The following GPSM1 variants were observed in gnomAD, a reference collection of about 807,000 sequenced individuals.
GPSM1 encodes the protein G protein-signaling modulator 1.
A neutral mutation model predicts 70.5 loss-of-function variants in GPSM1; 48 were observed. That is an observed-to-expected ratio of 0.68 (90% CI 0.54 to 0.87). The LOEUF (loss-of-function observed/expected upper bound fraction) is 0.87, where lower values mean the gene tolerates loss of function less well. GPSM1 is among the 40% of genes least tolerant of loss of function. The pLI is 0.00. For synonymous variants in GPSM1, 416 were observed against 430.1 expected, an observed-to-expected ratio of 0.97 and a Z score of 0.41; for missense variants, 981 against 972.6, an observed-to-expected ratio of 1.01 and a Z score of -0.11.
rs924471732 is a variant in GPSM1, at chr9:136,339,830, C to T, written c.1083+15C>T. 1 of 1,466,938 alleles carries T rather than the reference C, an allele frequency of 6.8e-7. No individual in the cohort carries two copies. The highest frequency in any genetic ancestry group is 1.6e-5 in the African/African-American group (1 of 63,754). The allele number at this position is 1,466,938 out of a possible 1,614,324, so 90.9% of individuals were successfully genotyped here. On this transcript the variant is annotated intron_variant, in intron 8 of 13. Transcript: ENST00000440944. ...TCTCCCAGGAGGTGAGCCAGGCCTG[C>T]CCCCAGAAGTCCCGGGCACTGCCCA... is the stretch of plus-strand genomic sequence containing the variant.
intron 1 of GPSM1, among the ~76,000 whole-genome samples, chr9:136,328,210 T>G (rs1832023296): frequency 6.6e-6 from 1 of 152,214 alleles, no homozygotes. Flanking sequence ...GCCAGCCAGG[T>G]GGGTGTGTAC....
chr9:136,328,175 T>G (rs1300987437), intron 1 of GPSM1, among the ~76,000 whole-genome samples: 1 of 152,168 alleles, frequency 6.6e-6, no homozygotes, highest in Non-Finnish European at 1.5e-5. Context: ...ACGAGCCCAG[T>G]GGGATCCAGC....
At position 136,352,233 on chromosome 9, in the gene GPSM1, C is replaced by T; in HGVS notation, c.1455+2470C>T. 2.9e-5 allele frequency among the ~76,000 whole-genome samples: 2 copies of T among 67,882 alleles called. 1 individual carries two copies. Among genetic ancestry groups the T allele is most frequent in the South Asian group, 1.4e-3 (2 of 1,386 alleles). 44.5% of individuals were successfully genotyped at this position (67,882 alleles called of 152,430 possible). ...GTTGCTGTTGGTGACACCGATGCTGCGCCGTTGCTGTTGGTGACACCGATG... is the reference window on the plus strand; with the variant it reads ...GTTGCTGTTGGTGACACCGATGCTGTGCCGTTGCTGTTGGTGACACCGATG... On this transcript the variant is annotated intron_variant, in intron 11 of 13. Transcript: ENST00000440944.
At chr9:136,355,653 G>T (rs202118035) in intron 11 of GPSM1, 37 bp from the exon 12 acceptor site, 183 of 1,601,460 alleles carry the variant, frequency 1.1e-4, no homozygotes, top group Admixed American at 3.4e-5. Context: ...GGTCTGCGGG[G>T]CTAGCTTTGG....
At position 136,359,370 on chromosome 9, in the gene GPSM1, G is replaced by A. The variant is rs775676778; in HGVS notation, c.*1150G>A. On this transcript the variant is annotated 3_prime_UTR_variant, in exon 14 of 14. Transcript: ENST00000440944. ...CCCCACTCTCAGGCTAGGATGGAGA[G>A]GCAGATCTGGGCCTGGTGAGGTGAC... 6.6e-6 allele frequency: 1 copy of A among 152,218 alleles called. No homozygotes were observed. Among genetic ancestry groups the A allele is most frequent in the African/African-American group, 2.4e-5 (1 of 41,430 alleles). 9.4% of individuals were successfully genotyped at this position (152,218 alleles called of 1,614,324 possible). A position where few individuals can be genotyped will look rare whatever the true frequency, so the allele number is the denominator to read the frequency against.
chr9:136,339,888 C>T, intron 8 of GPSM1, 73 bp downstream of exon 8: 1 of 955,724 alleles, frequency 1.0e-6, no homozygotes. Context: ...CCCCTCTGCC[C>T]CGAGCGAGCG....
chr9:136,348,632 G>T, intron 9 of GPSM1, 65 bp from the exon 10 acceptor site: 1 of 1,280,338 alleles, frequency 7.8e-7, no homozygotes, highest in Non-Finnish European at 1.1e-6. Flanking sequence ...CAGAGACTCT[G>T]GCCTGGCCCA....
chr9:136,334,681 G>A lies in GPSM1; in HGVS notation c.290+13G>A, dbSNP rs782162257. The A allele has an allele frequency of 6.9e-6, 11 of 1,599,416 alleles. No individual in the cohort carries two copies. Among genetic ancestry groups the A allele is most frequent in the African/African-American group, 2.7e-5 (2 of 73,776 alleles). On this transcript the variant is annotated intron_variant, in intron 2 of 13. Transcript: ENST00000440944. ...TCCTGCTGGCGCGGTGAGTGGGGAC[G>A]GTCCTGCTGGCGGGTGAGTGGGGCG...
At chr9:136,347,639 G>A (rs1832555167) in intron 9 of GPSM1, among the ~76,000 whole-genome samples, 3 of 152,174 alleles carry the variant, frequency 2.0e-5, no homozygotes, top group Non-Finnish European at 2.9e-5. Flanking sequence ...GGAAGCGCCC[G>A]CAGACCCTGG....
At chr9:136,331,682 G>T (rs62581062) in intron 1 of GPSM1, among the ~76,000 whole-genome samples, 4 of 152,106 alleles carry the variant, frequency 2.6e-5, no homozygotes, top group Non-Finnish European at 4.4e-5. Context: ...CGTTTGCAGA[G>T]GAGTTGGCGG....
chr9:136,335,183 C>T (rs568328132), intron 2 of GPSM1, among the ~76,000 whole-genome samples: 1 of 152,216 alleles, frequency 6.6e-6, no homozygotes, highest in South Asian at 2.1e-4. Context: ...GGCCCCAGGC[C>T]CCAGGCCCTG....
At chr9:136,338,445 A>C in intron 6 of GPSM1, 110 bp from the exon 7 acceptor site, 1 of 1,027,620 alleles carries the variant, frequency 9.7e-7, no homozygotes, top group South Asian at 1.6e-5. Context: ...GAGAGGCCCC[A>C]GTGGGATTCC....
In GPSM1 at chr9:136,337,061, C is replaced by T. The variant is rs782360853; in HGVS notation, c.567C>T (p.Ser189=). The T allele has an allele frequency of 1.5e-5, 24 of 1,550,866 alleles. No homozygotes were observed. The Admixed American group carries it at 1.8e-4, about 11-fold the overall frequency. The part of the protein sequence containing the change: ...PDVRETLCKA[S]EFYERNLSLV... ...TCCGAGAGACCCTGTGCAAGGCCTC[C>T]GAGTTCTACGAGTGAGTGGGGCAGG... Residue 189 remains serine (S), a synonymous_variant, in exon 4 of 14, where the codon TCC becomes TCT. Transcript: ENST00000440944.
chr9:136,357,946 G>A (rs546181168), intron 13 of GPSM1, 68 bp from the exon 14 acceptor site: 56 of 1,287,882 alleles, frequency 4.3e-5, no homozygotes, highest in African/African-American at 4.0e-4. Context: ...TGGAACCACC[G>A]CTGCTGACCA....
rs782001804 is a variant in GPSM1 at position 136,356,379 on chromosome 9, A to G, written c.1650A>G (p.Glu550=). 2 of 1,605,314 alleles carry G rather than the reference A, an allele frequency of 1.2e-6. No individual in the cohort carries two copies. The highest frequency in any genetic ancestry group is 1.7e-6 in the Non-Finnish European group (2 of 1,175,692). The change falls in exon 13 of 14, where the codon GAA becomes GAG. Residue 550 remains glutamate, a synonymous_variant. Transcript: ENST00000440944. ...TGACGGCCTCGCCCCAGACCGAGGAATTCTTCGACCTCATCGCCAGCTCCC... is the reference window on the plus strand; with the variant it reads ...TGACGGCCTCGCCCCAGACCGAGGAGTTCTTCGACCTCATCGCCAGCTCCC... ...PSMTASPQTE[E]FFDLIASSQS...
intron 2 of GPSM1, among the ~76,000 whole-genome samples, chr9:136,335,089 T>C (rs1445202761): frequency 5.9e-5 from 9 of 152,154 alleles, no homozygotes; most frequent in African/African-American, 1.7e-4. Flanking sequence ...GCCTGGGCTG[T>C]GACCCGCGTG....
At chr9:136,345,892 G>A (rs1190893667) in intron 9 of GPSM1, among the ~76,000 whole-genome samples, 6 of 152,204 alleles carry the variant, frequency 3.9e-5, no homozygotes, top group East Asian at 1.9e-4. Flanking sequence ...AGAACAGGCC[G>A]TCGACCCCAG....
At chr9:136,346,141 C>A (rs369698044) in intron 9 of GPSM1, among the ~76,000 whole-genome samples, 8 of 152,336 alleles carry the variant, frequency 5.3e-5, no homozygotes, top group Admixed American at 1.3e-4. Flanking sequence ...TCTGGCCGCA[C>A]AGGTTTCCAT....
chr9:136,334,423 A>T, intron 1 of GPSM1, 24 bp from the exon 2 acceptor site: 1 of 1,593,822 alleles, frequency 6.3e-7, no homozygotes, highest in East Asian at 2.2e-5. Context: ...GGGCTGGGCC[A>T]TGACGCCAAG....
Sources: gnomAD v4.1 joint callset for allele counts (sites outside exome capture counted in the v4.1 genomes callset) on GRCh38, gnomAD v4.1.1 for gene constraint, MANE v1.5 for transcripts, NCBI Gene and HGNC (gene_info 2026-07-23, HGNC 2026-07-21) for gene names.